The following RNF130 variants were observed in gnomAD, a reference collection of about 807,000 sequenced individuals.
The protein encoded by RNF130 is E3 ubiquitin-protein ligase RNF130.
RNF130 carries 21 observed loss-of-function variants against 44.6 expected under a neutral mutation model. The ratio of observed to expected loss-of-function variants is 0.47; its 90% CI spans 0.33 to 0.68. The LOEUF (loss-of-function observed/expected upper bound fraction) is 0.68. Among genes scored for constraint, RNF130 ranks in the 30% least tolerant of loss-of-function variants. The pLI is 0.02. For synonymous variants in RNF130, 214 were observed against 210.4 expected (o/e 1.02, Z -0.15); for missense variants, 479 against 560.6 (o/e 0.85, Z 1.47).
chr5:180,038,541 G>C (rs1740931677), intron 2 of RNF130, among the ~76,000 whole-genome samples: 1 of 151,482 alleles, frequency 6.6e-6, no homozygotes, highest in African/African-American at 2.4e-5. Context: ...ATGTTAATAA[G>C]TCCTAGGAGC....
At chr5:180,002,556 T>G (rs1016469295) in intron 3 of RNF130, among the ~76,000 whole-genome samples, 1 of 152,202 alleles carries the variant, frequency 6.6e-6, no homozygotes, top group Non-Finnish European at 1.5e-5. Flanking sequence ...TGGACTCAGC[T>G]GGGCTTAGTG....
chr5:179,980,941 A>G (rs1194373403), intron 3 of RNF130, among the ~76,000 whole-genome samples: 1 of 152,140 alleles, frequency 6.6e-6, no homozygotes, highest in African/African-American at 2.4e-5. Context: ...TTAATGGTGT[A>G]TACTCAAGCA....
intron 1 of RNF130, among the ~76,000 whole-genome samples, chr5:180,042,214 T>C (rs1477782349): frequency 2.6e-5 from 4 of 152,230 alleles, no homozygotes; most frequent in Non-Finnish European, 5.9e-5. Context: ...AGAGAACTAT[T>C]ACATCTACCA....
chr5:179,948,822 ATG>A (rs937071187), intron 7 of RNF130, among the ~76,000 whole-genome samples: 7 of 152,188 alleles, frequency 4.6e-5, no homozygotes, highest in African/African-American at 1.4e-4. Flanking sequence ...CCAATGAGAA[ATG>A]TGATTTAATG....
chr5:179,994,910 T>C (rs1763170179), intron 3 of RNF130, among the ~76,000 whole-genome samples: 1 of 152,094 alleles, frequency 6.6e-6, no homozygotes, highest in Non-Finnish European at 1.5e-5. Context: ...TCCCACGCAA[T>C]GGGTTGGGCC....
chr5:180,033,952 C>T (rs1764192213), intron 2 of RNF130, among the ~76,000 whole-genome samples: 1 of 152,174 alleles, frequency 6.6e-6, no homozygotes, highest in South Asian at 2.1e-4. Flanking sequence ...TTGAATACAA[C>T]TAATGAGAGT....
intron 5 of RNF130, among the ~76,000 whole-genome samples, chr5:179,973,802 G>A (rs1303472627): frequency 6.6e-6 from 1 of 152,184 alleles, no homozygotes; most frequent in Non-Finnish European, 1.5e-5. Context: ...CACACAGGGT[G>A]GGTGGTGCAT....
chr5:180,032,438 C>G (rs975313061), intron 2 of RNF130, among the ~76,000 whole-genome samples: 3 of 152,136 alleles, frequency 2.0e-5, no homozygotes, highest in African/African-American at 7.2e-5. Context: ...GTGGTGCCAT[C>G]ATGGCTCACT....
intron 3 of RNF130, among the ~76,000 whole-genome samples, chr5:179,986,161 G>A (rs905498417): frequency 9.9e-5 from 15 of 152,194 alleles, no homozygotes; most frequent in African/African-American, 3.1e-4. Flanking sequence ...CATAAAGGCT[G>A]CAAAAGGTAT....
intron 3 of RNF130, among the ~76,000 whole-genome samples, chr5:179,999,944 T>C (rs947074952): frequency 6.6e-6 from 1 of 152,206 alleles, no homozygotes; most frequent in African/African-American, 2.4e-5. Flanking sequence ...TTCTCTCCTA[T>C]TGTTTATCAT....
chr5:180,042,592 A>G (rs943283807), intron 1 of RNF130, among the ~76,000 whole-genome samples: 1 of 152,252 alleles, frequency 6.6e-6, no homozygotes, highest in Non-Finnish European at 1.5e-5. Context: ...AAAGCAGCTC[A>G]GTGACCTGTT....
intron 3 of RNF130, among the ~76,000 whole-genome samples, chr5:179,992,048 G>T (rs1045401575): frequency 2.6e-5 from 4 of 152,164 alleles, no homozygotes; most frequent in African/African-American, 9.7e-5. Flanking sequence ...AAATACAAAT[G>T]AAGCTTCAGT....
chr5:179,922,718 C>T (rs906058174), intron 7 of RNF130, among the ~76,000 whole-genome samples: 8 of 151,738 alleles, frequency 5.3e-5, no homozygotes, highest in Non-Finnish European at 1.2e-4. Flanking sequence ...CAGATGGCTT[C>T]AGCTCAGGAG....
intron 2 of RNF130, among the ~76,000 whole-genome samples, chr5:180,034,819 T>C (rs575347258): frequency 4.1e-4 from 62 of 152,324 alleles, no homozygotes; most frequent in Non-Finnish European, 8.5e-4. Context: ...CTGTGGATGG[T>C]CATGGGGACC....
At chr5:179,971,077 G>A (rs1422261162) in intron 5 of RNF130, among the ~76,000 whole-genome samples, 2 of 152,202 alleles carry the variant, frequency 1.3e-5, no homozygotes, top group African/African-American at 4.8e-5. Context: ...ATTTTCAGCT[G>A]AAATGTTAAC....
intron 2 of RNF130, among the ~76,000 whole-genome samples, chr5:180,032,832 G>A (rs1336112482): frequency 6.6e-6 from 1 of 152,038 alleles, no homozygotes. Flanking sequence ...TTTTAGGATC[G>A]GCTTATCAAT....
At chr5:179,980,692 C>A (rs993972614) in intron 3 of RNF130, among the ~76,000 whole-genome samples, 2 of 152,202 alleles carry the variant, frequency 1.3e-5, no homozygotes, top group African/African-American at 2.4e-5. Context: ...AGAAGGAATG[C>A]GTCACAGCTC....
chr5:179,967,989 T>C (rs1367579869), intron 6 of RNF130, among the ~76,000 whole-genome samples: 1 of 152,212 alleles, frequency 6.6e-6, no homozygotes, highest in African/African-American at 2.4e-5. Context: ...AGAAAAGTAT[T>C]AGCACTTAAT....
At chr5:179,912,538 C>T (rs1761481293) in exon 8 of RNF130, 1 of 152,254 alleles carries the variant, frequency 6.6e-6, no homozygotes, top group African/African-American at 2.4e-5. Context: ...AGCACCCTCT[C>T]TGCTTCTCTC....
Sources: gnomAD v4.1 joint callset for allele counts (sites outside exome capture counted in the v4.1 genomes callset) on GRCh38, gnomAD v4.1.1 for gene constraint, MANE v1.5 for transcripts, NCBI Gene and HGNC (gene_info 2026-07-23, HGNC 2026-07-21) for gene names.